Variants in GSDMC observed in about 807,000 individuals in gnomAD.
The protein encoded by GSDMC is gasdermin-C.
Under a neutral mutation model 58.0 loss-of-function variants are expected in GSDMC, and 59 were observed. The observed-to-expected ratio is 1.02, with a 90% CI of 0.82 to 1.26. The LOEUF is 1.26. GSDMC is among the 50% of genes most tolerant of loss of function. GSDMC has a pLI of 0.00. For missense variants in GSDMC, 659 were observed against 598.5 expected (o/e 1.10, Z -1.06); for synonymous variants, 241 against 220.2 (o/e 1.09, Z -0.83).
downstream of GSDMC, among the ~76,000 whole-genome samples, chr8:129,747,535 G>T (rs944569637): frequency 6.6e-6 from 1 of 152,156 alleles, no homozygotes; most frequent in Non-Finnish European, 1.5e-5. Context: ...GTCAGCCAAG[G>T]TGATTCTGAT....
chr8:129,762,346 A>G (rs2033696596), intron 5 of GSDMC, among the ~76,000 whole-genome samples: 1 of 152,178 alleles, frequency 6.6e-6, no homozygotes, highest in Non-Finnish European at 1.5e-5. Flanking sequence ...GAATTTGCCC[A>G]GAGCTAACAA....
chr8:129,743,627 T>C (rs982255512), downstream of GSDMC, among the ~76,000 whole-genome samples: 3 of 152,232 alleles, frequency 2.0e-5, no homozygotes, highest in Non-Finnish European at 1.5e-5. Flanking sequence ...GTAGTAATAC[T>C]GGAATTGTGA....
the GSDMC span, among the ~76,000 whole-genome samples, chr8:129,710,541 C>T: frequency 2.0e-5 from 3 of 151,936 alleles, no homozygotes; most frequent in Non-Finnish European, 4.4e-5. Context: ...GTTCCTGATT[C>T]GATTGGGTGT....
chr8:129,774,607 A>G (rs1370232304), intron 3 of GSDMC, among the ~76,000 whole-genome samples: 1 of 152,130 alleles, frequency 6.6e-6, no homozygotes, highest in Non-Finnish European at 1.5e-5. Flanking sequence ...CAAAGGAAAC[A>G]ATCAACAGAG....
intron 2 of GSDMC, among the ~76,000 whole-genome samples, 172 bp from the exon 3 acceptor site, chr8:129,776,457 T>C (rs1028790064): frequency 6.6e-6 from 1 of 152,192 alleles, no homozygotes; most frequent in African/African-American, 2.4e-5. Context: ...TGAATGTAAA[T>C]TACTACAGAT....
At chr8:129,728,983 G>A in the GSDMC span, 6 of 667,778 alleles carry the variant, frequency 9.0e-6, no homozygotes, top group Middle Eastern at 3.9e-4. Flanking sequence ...CAGGAGCTGC[G>A]GGAGACCAAG....
chr8:129,732,390 G>T, the GSDMC span, among the ~76,000 whole-genome samples: 11 of 151,440 alleles, frequency 7.3e-5, no homozygotes, highest in Non-Finnish European at 1.6e-4. Flanking sequence ...CTAGGGAGGG[G>T]GGAAAAGGGA....
intron 5 of GSDMC, among the ~76,000 whole-genome samples, 154 bp downstream of exon 5, chr8:129,762,472 T>C (rs906482621): frequency 2.0e-5 from 3 of 152,166 alleles, no homozygotes; most frequent in Non-Finnish European, 2.9e-5. Flanking sequence ...GAGATGGGTG[T>C]GTGCCCTGGA....
chr8:129,765,275 C>T (rs2033815404), intron 4 of GSDMC, among the ~76,000 whole-genome samples: 2 of 152,014 alleles, frequency 1.3e-5, no homozygotes, highest in Admixed American at 1.3e-4. Context: ...TTAGTGGTCC[C>T]TCATTTCTTC....
In GSDMC at chr8:129,786,291, C is replaced by T. The variant is rs915555982; in HGVS notation, c.-285G>A. On this transcript the variant is annotated 5_prime_UTR_variant, in exon 1 of 14. Coordinates refer to ENST00000276708, the MANE Select transcript of GSDMC (RefSeq NM_031415.3). Reference sequence around the variant, plus strand: ...AGGTTGCAGTGAGCTGAGACCATGCCGCTGCACTCCAGCCTGGGCAACTCC... The same window carrying T: ...AGGTTGCAGTGAGCTGAGACCATGCTGCTGCACTCCAGCCTGGGCAACTCC... 1 of 151,452 alleles carries T rather than the reference C, an allele frequency of 6.6e-6. No homozygotes were observed. Among genetic ancestry groups the T allele is most frequent in the Non-Finnish European group, 1.5e-5 (1 of 68,026 alleles). 9.4% of individuals were successfully genotyped at this position (151,452 alleles called of 1,614,324 possible).
intron 12 of GSDMC, 32 bp downstream of exon 12, chr8:129,749,958 A>T (rs369147322): frequency 1.3e-6 from 2 of 1,552,998 alleles, no homozygotes; most frequent in Admixed American, 2.0e-5. Flanking sequence ...CAATCTTGTG[A>T]TTCTCCCATT....
intron 1 of GSDMC, among the ~76,000 whole-genome samples, chr8:129,781,613 T>C (rs1482506615): frequency 6.6e-6 from 1 of 152,018 alleles, no homozygotes; most frequent in African/African-American, 2.4e-5. Flanking sequence ...GGCGTGGTGG[T>C]GGGCACCTGT....
At chr8:129,735,890 A>T in the GSDMC span, among the ~76,000 whole-genome samples, 1 of 152,204 alleles carries the variant, frequency 6.6e-6, no homozygotes, top group African/African-American at 2.4e-5. Context: ...AAAGGTCAAC[A>T]AAACTGATAG....
At chr8:129,781,928 C>T (rs1300173640) in intron 1 of GSDMC, among the ~76,000 whole-genome samples, 1 of 152,168 alleles carries the variant, frequency 6.6e-6, no homozygotes, top group Non-Finnish European at 1.5e-5. Flanking sequence ...TTTTTCTCCT[C>T]ATCACATGGA....
chr8:129,713,441 C>T, the GSDMC span, among the ~76,000 whole-genome samples: 1 of 152,270 alleles, frequency 6.6e-6, no homozygotes, highest in South Asian at 2.1e-4. Flanking sequence ...GGAATGCAAC[C>T]TCCAGAGTGC....
downstream of GSDMC, among the ~76,000 whole-genome samples, chr8:129,745,800 T>A (rs1379076056): frequency 1.3e-5 from 1 of 77,560 alleles, no homozygotes; most frequent in Non-Finnish European, 2.1e-5. Context: ...TCATAGTGTA[T>A]AATTCACCAC....
chr8:129,719,921 G>C, the GSDMC span, among the ~76,000 whole-genome samples: 3 of 152,058 alleles, frequency 2.0e-5, no homozygotes, highest in Non-Finnish European at 4.4e-5. Context: ...CTCCAGCCTG[G>C]GCAACAGAGC....
downstream of GSDMC, among the ~76,000 whole-genome samples, chr8:129,747,257 A>C (rs1586567806): frequency 8.7e-5 from 2 of 22,902 alleles, no homozygotes; most frequent in Admixed American, 5.8e-4. Flanking sequence ...ACTCTGTCTC[A>C]AAAAAAAAAA....
At chr8:129,745,212 C>T (rs1403847869), downstream of GSDMC, among the ~76,000 whole-genome samples, 1 of 152,240 alleles carries the variant, frequency 6.6e-6, no homozygotes, top group African/African-American at 2.4e-5. Flanking sequence ...GATCTATTAG[C>T]ACTGTTTATA....
Sources: gnomAD v4.1 joint callset for allele counts (sites outside exome capture counted in the v4.1 genomes callset) on GRCh38, gnomAD v4.1.1 for gene constraint, MANE v1.5 for transcripts, NCBI Gene and HGNC (gene_info 2026-07-23, HGNC 2026-07-21) for gene names.